XYLT1: variants seen among roughly 807,000 people sequenced by gnomAD.
The protein encoded by XYLT1 is beta-D-xylosyltransferase 1.
Under a neutral mutation model 91.3 loss-of-function variants are expected in XYLT1, and 36 were observed. The observed-to-expected ratio is 0.39, with a 90% CI of 0.30 to 0.52. XYLT1 has a LOEUF of 0.52. Ranked by LOEUF, XYLT1 falls within the 20% of genes least tolerant of loss-of-function variation. The pLI, the probability that XYLT1 is intolerant of heterozygous loss-of-function variation, is 0.68. For missense variants in XYLT1, 1,242 were observed against 1,284.5 expected, an observed-to-expected ratio of 0.97 and a Z score of 0.51; for synonymous variants, 588 against 532.0, an observed-to-expected ratio of 1.11 and a Z score of -1.45.
At chr16:17,333,670 C>T (rs548276176) in intron 2 of XYLT1, among the ~76,000 whole-genome samples, 1 of 151,352 alleles carries the variant, frequency 6.6e-6, no homozygotes, top group Non-Finnish European at 1.5e-5. Context: ...TCACTGCAAC[C>T]TCTGCCTCCC....
intron 2 of XYLT1, among the ~76,000 whole-genome samples, chr16:17,352,386 C>T (rs1158471350): frequency 6.6e-6 from 1 of 152,180 alleles, no homozygotes; most frequent in Non-Finnish European, 1.5e-5. Flanking sequence ...CTCTCTCCTT[C>T]TCTCCTACCT....
chr16:17,273,130 G>A (rs1162455878), intron 2 of XYLT1, among the ~76,000 whole-genome samples: 4 of 152,176 alleles, frequency 2.6e-5, no homozygotes, highest in African/African-American at 7.2e-5. Context: ...TCCAGGCCAG[G>A]AGCCTAACTT....
chr16:17,206,953 A>T (rs1207040140), intron 3 of XYLT1, among the ~76,000 whole-genome samples: 1 of 152,106 alleles, frequency 6.6e-6, no homozygotes, highest in Non-Finnish European at 1.5e-5. Flanking sequence ...TATTTCTGGA[A>T]ATTTCTGAAT....
chr16:17,207,892 C>A (rs1027146915), intron 3 of XYLT1, among the ~76,000 whole-genome samples: 1 of 152,182 alleles, frequency 6.6e-6, no homozygotes, highest in Non-Finnish European at 1.5e-5. Context: ...CAAGCCAGCA[C>A]CTGTCAGGTC....
intron 11 of XYLT1, among the ~76,000 whole-genome samples, chr16:17,109,487 C>T (rs1966824627): frequency 6.6e-6 from 1 of 152,150 alleles, no homozygotes; most frequent in Admixed American, 6.5e-5. Flanking sequence ...AGAACAACAA[C>T]AAAGAAATAA....
intron 3 of XYLT1, among the ~76,000 whole-genome samples, chr16:17,236,855 C>T (rs557864886): frequency 1.1e-4 from 16 of 152,256 alleles, no homozygotes; most frequent in South Asian, 2.1e-4. Flanking sequence ...GATTAGGGCA[C>T]GCTCTAATGA....
intron 2 of XYLT1, among the ~76,000 whole-genome samples, chr16:17,279,550 G>A (rs889809325): frequency 2.6e-5 from 4 of 152,156 alleles, no homozygotes; most frequent in African/African-American, 9.7e-5. Context: ...CTTCTTAGCA[G>A]TGAAACACCT....
At chr16:17,385,764 G>C (rs2035741291) in intron 1 of XYLT1, among the ~76,000 whole-genome samples, 1 of 151,864 alleles carries the variant, frequency 6.6e-6, no homozygotes, top group South Asian at 2.1e-4. Context: ...CCTATGAGCA[G>C]TGTGACCCTG....
At chr16:17,191,636 A>G (rs944653360) in intron 5 of XYLT1, among the ~76,000 whole-genome samples, 1 of 152,192 alleles carries the variant, frequency 6.6e-6, no homozygotes, top group South Asian at 2.1e-4. Flanking sequence ...GTCTTGCTCA[A>G]TTGGTCCCAT....
intron 3 of XYLT1, chr16:17,250,513 ACAAAGTCC>A (rs2033520177): frequency 6.6e-6 from 1 of 152,230 alleles, no homozygotes; most frequent in South Asian, 2.1e-4. Context: ...CATGCATTTT[ACAAAGTCC>A]CAAATATTTA....
At chr16:17,343,864 G>A (rs1325622020) in intron 2 of XYLT1, among the ~76,000 whole-genome samples, 1 of 152,150 alleles carries the variant, frequency 6.6e-6, no homozygotes, top group African/African-American at 2.4e-5. Context: ...TATCTTGTTT[G>A]TAACTCCAGG....
At chr16:17,275,605 C>T (rs1344126826) in intron 2 of XYLT1, among the ~76,000 whole-genome samples, 3 of 152,180 alleles carry the variant, frequency 2.0e-5, no homozygotes, top group African/African-American at 2.4e-5. Context: ...GTTGGTGCCA[C>T]GCCCCTGACT....
intron 9 of XYLT1, among the ~76,000 whole-genome samples, chr16:17,133,760 C>CCTACCTCCCCCTCATCTT (rs760147747): frequency 6.6e-6 from 1 of 152,080 alleles, no homozygotes. Context: ...GAATTATTTT[C>CCTACCTCCCCCTCATCTT]CTACCTCCCC....
At chr16:17,450,943 T>C (rs2036657882) in intron 1 of XYLT1, among the ~76,000 whole-genome samples, 2 of 152,144 alleles carry the variant, frequency 1.3e-5, no homozygotes, top group Non-Finnish European at 2.9e-5. Context: ...AGTTCCGAGT[T>C]GGGGACATCA....
At chr16:17,273,843 C>CAA (rs567464047) in intron 2 of XYLT1, among the ~76,000 whole-genome samples, 177 of 112,060 alleles carry the variant, frequency 1.6e-3, no homozygotes, top group Admixed American at 2.5e-3. Flanking sequence ...GAATCTGTCT[C>CAA]AAAAAAAAAA....
chr16:17,154,413 C>G (rs769683057), intron 6 of XYLT1, among the ~76,000 whole-genome samples: 1 of 152,180 alleles, frequency 6.6e-6, no homozygotes, highest in Non-Finnish European at 1.5e-5. Flanking sequence ...CCGATTTTCA[C>G]TTTCCAGCTC....
chr16:17,369,381 G>T (rs952978724), intron 1 of XYLT1, among the ~76,000 whole-genome samples: 1 of 151,990 alleles, frequency 6.6e-6, no homozygotes, highest in African/African-American at 2.4e-5. Context: ...GTGGCTTTTC[G>T]TGAAATGTGG....
chr16:17,107,006 G>C lies in XYLT1; in HGVS notation c.*1689C>G, dbSNP rs1966786338. On this transcript the variant is annotated 3_prime_UTR_variant, in exon 12 of 12. Coordinates refer to ENST00000261381, the MANE Select transcript of XYLT1 (RefSeq NM_022166.4). ...CAGGGGGTGGGAAAAGATGGGAAAA[G>C]GGGCCTTTTGTGAATAAAGGCAGCT... The C allele has an allele frequency of 6.6e-6, 1 of 152,136 alleles. No homozygotes were observed. The highest frequency in any genetic ancestry group is 1.5e-5 in the Non-Finnish European group (1 of 68,022). The allele number at this position is 152,136 out of a possible 1,614,324, so 9.4% of individuals were successfully genotyped here.
intron 2 of XYLT1, among the ~76,000 whole-genome samples, chr16:17,304,869 G>C (rs1420548029): frequency 6.6e-6 from 1 of 152,068 alleles, no homozygotes; most frequent in Non-Finnish European, 1.5e-5. Context: ...CCTTGGGTTT[G>C]GATAGTAAAA....
Sources: gnomAD v4.1 joint callset for allele counts (sites outside exome capture counted in the v4.1 genomes callset) on GRCh38, gnomAD v4.1.1 for gene constraint, MANE v1.5 for transcripts, NCBI Gene and HGNC (gene_info 2026-07-23, HGNC 2026-07-21) for gene names.